EXOSC2: variants seen among roughly 807,000 people sequenced by gnomAD.
EXOSC2 encodes exosome complex component RRP4.
In EXOSC2, 29 loss-of-function variants were observed where a neutral mutation model predicts 37.6. The ratio of observed to expected loss-of-function variants is 0.77; its 90% CI spans 0.57 to 1.05. The LOEUF (loss-of-function observed/expected upper bound fraction) is 1.05, where lower values mean the gene tolerates loss of function less well. EXOSC2 is among the 50% of genes least tolerant of loss of function. The pLI is 0.00. For missense variants in EXOSC2, 346 were observed against 365.6 expected (o/e 0.95, Z 0.44); for synonymous variants, 119 against 131.1 (o/e 0.91, Z 0.63).
rs1254986587 is a variant in EXOSC2, at chr9:130,694,765, C to T, written c.123-727C>T. On this transcript the variant is annotated intron_variant, in intron 1 of 8. Coordinates refer to ENST00000372358, the MANE Select transcript of EXOSC2 (RefSeq NM_014285.7). This position sits in a 1 kb window ranked among gnomAD's most constrained non-coding sequence, Gnocchi z 4.0. ...CGGAGTCTGTCTTAGATCAGTCGTG[C>T]GATCTCGGCTCACTGCAACCTCTGC... Among the ~76,000 whole-genome samples, 2 of 151,926 alleles carry T rather than the reference C, an allele frequency of 1.3e-5. No individual in the cohort carries two copies. The highest frequency in any genetic ancestry group is 6.6e-5 in the Admixed American group (1 of 15,244).
chr9:130,703,169 C>A lies in EXOSC2; in HGVS notation c.789C>A (p.Ser263=). 6.2e-7 allele frequency: 1 copy of A among 1,611,114 alleles called. No homozygotes were observed. The highest frequency in any genetic ancestry group is 1.1e-5 in the South Asian group (1 of 90,926). ...DTSILYCYEA[S]LPHQIKDILK... Reference sequence around the variant, plus strand: ...GCATCCTGTACTGCTATGAAGCATCCCTTCCACATCAGGTACTCTCCCCAG... The same window carrying A: ...GCATCCTGTACTGCTATGAAGCATCACTTCCACATCAGGTACTCTCCCCAG... The change falls in exon 8 of 9, where the codon TCC becomes TCA. Residue 263 remains serine, a synonymous_variant. Coordinates refer to ENST00000372358, the MANE Select transcript of EXOSC2 (RefSeq NM_014285.7).
intron 3 of EXOSC2, chr9:130,697,868 A>G (rs1275434444): frequency 3.7e-6 from 2 of 546,392 alleles, no homozygotes; most frequent in East Asian, 3.2e-5. Flanking sequence ...ATCTTGGCTC[A>G]CTGCAACCTC....
At position 130,698,150 on chromosome 9, in the gene EXOSC2, C is replaced by G. The variant is rs1831136380; in HGVS notation, c.271-12C>G. On this transcript the variant is annotated splice_polypyrimidine_tract_variant and intron_variant, in intron 3 of 8. Coordinates refer to ENST00000372358, the MANE Select transcript of EXOSC2 (RefSeq NM_014285.7). This position sits in a 1 kb window ranked among gnomAD's most constrained non-coding sequence, Gnocchi z 4.1. ...ATGGAGCATGTGTCCAGGTGTGGAA[C>G]TTGGCTTATAGGTTCAACAGAAGAG... 6.2e-7 allele frequency: 1 copy of G among 1,613,364 alleles called. No homozygotes were observed. Among genetic ancestry groups the G allele is most frequent in the Non-Finnish European group, 8.5e-7 (1 of 1,179,428 alleles).
chr9:130,703,774 AG>A lies in EXOSC2; in HGVS notation c.*2del. 1 of 1,613,070 alleles carries A rather than the reference AG, an allele frequency of 6.2e-7. No individual in the cohort carries two copies. Among genetic ancestry groups the A allele is most frequent in the Non-Finnish European group, 8.5e-7 (1 of 1,179,266 alleles). On this transcript the variant is annotated 3_prime_UTR_variant, in exon 9 of 9. Transcript: ENST00000372358. ...AGAGGCTTTTGGAACAGGAGGGATA[AG>A]GAGGTGCTCCAGAAGCACGGGACTG...
In EXOSC2 at chr9:130,699,314, C is replaced by A. The variant is rs766898401; in HGVS notation, c.361-15C>A. On this transcript the variant is annotated splice_polypyrimidine_tract_variant and intron_variant, in intron 4 of 8. Transcript: ENST00000372358. ...GGATCTGGCTTAAGTAATGTCATTT[C>A]TTTGTGTATTTCAGAGGAGAAGATC... 6.8e-6 allele frequency: 11 copies of A among 1,613,874 alleles called. No individual in the cohort carries two copies.
Position 130,694,233 on chromosome 9 carries a change from A to C in EXOSC2, c.122+320A>C, listed in dbSNP as rs1831043090. Among the ~76,000 whole-genome samples the C allele has an allele frequency of 6.6e-6, 1 of 152,068 alleles. No homozygotes were observed. The highest frequency in any genetic ancestry group is 1.5e-5 in the Non-Finnish European group (1 of 68,010). Reference sequence around the variant, plus strand: ...TGGAAAGCTGGGGAGGGTTAGGTGCAGGCTCTTTTCCAGTTTTCAGCTCTC... The same window carrying C: ...TGGAAAGCTGGGGAGGGTTAGGTGCCGGCTCTTTTCCAGTTTTCAGCTCTC... On this transcript the variant is annotated intron_variant, in intron 1 of 8. Coordinates refer to ENST00000372358, the MANE Select transcript of EXOSC2 (RefSeq NM_014285.7). The surrounding 1 kb of genome is among the most constrained non-coding windows in gnomAD (Gnocchi z 4.0).
chr9:130,694,338 C>T lies in EXOSC2; in HGVS notation c.122+425C>T, dbSNP rs1263096375. ...TGTTCGATCTTAGGGCAAACAGTTACATTGTGCTGCATGCACCCATTTATA... is the reference window on the plus strand; with the variant it reads ...TGTTCGATCTTAGGGCAAACAGTTATATTGTGCTGCATGCACCCATTTATA... On this transcript the variant is annotated intron_variant, in intron 1 of 8. Coordinates refer to ENST00000372358, the MANE Select transcript of EXOSC2 (RefSeq NM_014285.7). This position sits in a 1 kb window ranked among gnomAD's most constrained non-coding sequence, Gnocchi z 4.0. 1.3e-5 allele frequency among the ~76,000 whole-genome samples: 2 copies of T among 152,108 alleles called. No homozygotes were observed. Among genetic ancestry groups the T allele is most frequent in the Non-Finnish European group, 2.9e-5 (2 of 68,024 alleles).
At chr9:130,702,577 G>A (rs1588201466) in intron 7 of EXOSC2, among the ~76,000 whole-genome samples, 1 of 102,374 alleles carries the variant, frequency 9.8e-6, no homozygotes, top group African/African-American at 5.6e-5. Context: ...TTCTTTTTCT[G>A]TTTTTTTGTT....
chr9:130,697,721 G>A, intron 3 of EXOSC2, 94 bp downstream of exon 3: 2 of 1,178,746 alleles, frequency 1.7e-6, no homozygotes, highest in Non-Finnish European at 2.6e-6. Context: ...ACATGAAAAA[G>A]GCATTCATTG....
chr9:130,701,166 A>G (rs1325303409), intron 6 of EXOSC2: 3 of 449,638 alleles, frequency 6.7e-6, no homozygotes, highest in Non-Finnish European at 1.2e-5. Flanking sequence ...TTTTTCTCCA[A>G]GGAGACTGAC....
chr9:130,699,692 T>G, intron 5 of EXOSC2: 1 of 367,702 alleles, frequency 2.7e-6, no homozygotes, highest in East Asian at 4.9e-5. Flanking sequence ...GTGGAGAAGG[T>G]GTTGTTCACG....
In EXOSC2 at chr9:130,694,645, T is replaced by A. The variant is rs1449221314; in HGVS notation, c.122+732T>A. 6.6e-6 allele frequency among the ~76,000 whole-genome samples: 1 copy of A among 152,212 alleles called. No homozygotes were observed. Among genetic ancestry groups the A allele is most frequent in the Non-Finnish European group, 1.5e-5 (1 of 68,036 alleles). ...TTTATTATTATTATTTTTTTACTTG[T>A]ATATGTACAAGGGGCACAGCATTCA... On this transcript the variant is annotated intron_variant, in intron 1 of 8. Coordinates refer to ENST00000372358, the MANE Select transcript of EXOSC2 (RefSeq NM_014285.7). This position sits in a 1 kb window ranked among gnomAD's most constrained non-coding sequence, Gnocchi z 4.0.
At chr9:130,696,554 G>A (rs572777541) in intron 2 of EXOSC2, among the ~76,000 whole-genome samples, 2 of 148,554 alleles carry the variant, frequency 1.3e-5, no homozygotes, top group Non-Finnish European at 1.5e-5. Context: ...TAAGGTGGGA[G>A]CAGTGGAAGG....
In EXOSC2 at chr9:130,703,034, T is replaced by C. The variant is rs1479809515; in HGVS notation, c.673-19T>C. ...GGTCCTGTTTGTATTTCCCTTCCCC[T>C]CTCTGTGTCTCCTTATAGCCTGTCT... On this transcript the variant is annotated intron_variant, in intron 7 of 8. Coordinates refer to ENST00000372358, the MANE Select transcript of EXOSC2 (RefSeq NM_014285.7). 2 of 1,601,566 alleles carry C rather than the reference T, an allele frequency of 1.2e-6. No homozygotes were observed. The highest frequency in any genetic ancestry group is 1.7e-5 in the Admixed American group (1 of 58,916).
chr9:130,703,633 G>T (rs1032756936), intron 8 of EXOSC2, 61 bp from the exon 9 acceptor site: 28 of 1,293,194 alleles, frequency 2.2e-5, no homozygotes, highest in Non-Finnish European at 3.1e-5. Context: ...TGTTTGGATT[G>T]GCTTGGTGGT....
chr9:130,701,001 A>T, intron 6 of EXOSC2, 66 bp downstream of exon 6: 1 of 1,521,250 alleles, frequency 6.6e-7, no homozygotes, highest in Non-Finnish European at 9.1e-7. Context: ...GAATCCCCAT[A>T]GCTCTCTGGA....
intron 5 of EXOSC2, among the ~76,000 whole-genome samples, chr9:130,700,509 G>A (rs1334821497): frequency 1.3e-5 from 2 of 151,546 alleles, no homozygotes; most frequent in East Asian, 2.0e-4. Flanking sequence ...ACAGGCATGC[G>A]CCACTATGCC....
At chr9:130,695,098 C>G (rs1831064295) in intron 1 of EXOSC2, among the ~76,000 whole-genome samples, 1 of 152,174 alleles carries the variant, frequency 6.6e-6, no homozygotes, top group Non-Finnish European at 1.5e-5. Flanking sequence ...AGTGAAAAAT[C>G]TCTGTCCTGG....
chr9:130,703,288 T>C, intron 8 of EXOSC2, 107 bp downstream of exon 8: 2 of 1,345,598 alleles, frequency 1.5e-6, no homozygotes, highest in Non-Finnish European at 1.0e-6. Context: ...CATCCGTCAG[T>C]ATGAACTGGC....
Sources: allele counts gnomAD v4.1 joint callset (sites outside exome capture counted in the v4.1 genomes callset), GRCh38; gene constraint gnomAD v4.1.1; non-coding constraint Gnocchi (gnomAD v3.1); transcripts MANE v1.5; gene names NCBI Gene and HGNC (gene_info 2026-07-23, HGNC 2026-07-21).